The following GPC5 variants were observed in gnomAD, a reference collection of about 807,000 sequenced individuals.
The protein encoded by GPC5 is glypican 5, also known as glypican-5.
Under a neutral mutation model 53.9 loss-of-function variants are expected in GPC5, and 47 were observed. That is an observed-to-expected ratio of 0.87 (90% CI 0.69 to 1.11). The LOEUF (loss-of-function observed/expected upper bound fraction) is 1.11. Among genes scored for constraint, GPC5 ranks in the 50% most tolerant of loss-of-function variants. GPC5 has a pLI of 0.00. For synonymous variants in GPC5, 286 were observed against 263.3 expected (o/e 1.09, Z -0.84); for missense variants, 748 against 713.1 (o/e 1.05, Z -0.56).
At chr13:92,366,729 C>T (rs1291447543) in intron 7 of GPC5, among the ~76,000 whole-genome samples, 5 of 152,138 alleles carry the variant, frequency 3.3e-5, no homozygotes, top group Non-Finnish European at 7.4e-5. Flanking sequence ...CTTCATATGC[C>T]TAGTAACTTC....
intron 6 of GPC5, among the ~76,000 whole-genome samples, chr13:92,129,940 T>C (rs562966972): frequency 6.6e-6 from 1 of 152,148 alleles, no homozygotes; most frequent in South Asian, 2.1e-4. Context: ...TTTGTAAAAT[T>C]GATAAAGAAT....
At chr13:91,753,547 C>T (rs970956417) in intron 4 of GPC5, among the ~76,000 whole-genome samples, 10 of 152,186 alleles carry the variant, frequency 6.6e-5, no homozygotes, top group Admixed American at 5.2e-4. Context: ...TAAGTGACCT[C>T]ACTGCTTTTC....
At chr13:92,125,924 G>GTTTTTTTTTTTTTTTTTTTTTTTTTTTT (rs1190169532) in intron 6 of GPC5, among the ~76,000 whole-genome samples, 2 of 75,820 alleles carry the variant, frequency 2.6e-5, no homozygotes, top group African/African-American at 1.1e-4. Flanking sequence ...TTGTTTTTTG[G>GTTTTTTTTTTTTTTTTTTTTTTTTTTTT]TTTTTTTTTT....
At chr13:91,450,363 A>G (rs1881098428) in intron 2 of GPC5, among the ~76,000 whole-genome samples, 1 of 152,204 alleles carries the variant, frequency 6.6e-6, no homozygotes, top group African/African-American at 2.4e-5. Context: ...AGTAGGTACA[A>G]TATGAAATAT....
chr13:92,238,099 T>C (rs1174507741), intron 7 of GPC5, among the ~76,000 whole-genome samples: 2 of 152,054 alleles, frequency 1.3e-5, no homozygotes, highest in Non-Finnish European at 2.9e-5. Context: ...CCTCTGTTTT[T>C]GTTTGTTATA....
chr13:92,578,682 T>C (rs1175373608), intron 7 of GPC5, among the ~76,000 whole-genome samples: 1 of 152,158 alleles, frequency 6.6e-6, no homozygotes, highest in Non-Finnish European at 1.5e-5. Flanking sequence ...TAAGGGCAGA[T>C]CATCTTCACT....
intron 3 of GPC5, among the ~76,000 whole-genome samples, chr13:91,716,447 T>G (rs2139935635): frequency 6.6e-6 from 1 of 152,358 alleles, no homozygotes; most frequent in Middle Eastern, 3.4e-3. Context: ...AATGTTTTTC[T>G]ATTTAGTTGG....
At position 92,600,527 on chromosome 13, in the gene GPC5, C is replaced by T. The variant is rs561679638; in HGVS notation, c.1562-265755C>T. On this transcript the variant is annotated intron_variant, in intron 7 of 7. Coordinates refer to ENST00000377067, the MANE Select transcript of GPC5 (RefSeq NM_004466.6). ...TCATTTATTCTTTAAGACGGAATTT[C>T]GCTCTTGTCACCCAGGCTAGAGTGC... 9.2e-5 allele frequency among the ~76,000 whole-genome samples: 14 copies of T among 151,868 alleles called. No homozygotes were observed. The East Asian group carries it at 1.4e-3, about 15-fold the overall frequency.
At chr13:92,151,565 G>A (rs2041907752) in intron 7 of GPC5, among the ~76,000 whole-genome samples, 2 of 152,076 alleles carry the variant, frequency 1.3e-5, no homozygotes, top group Non-Finnish European at 2.9e-5. Flanking sequence ...TATGAACTTT[G>A]GTATCAGTCT....
intron 5 of GPC5, among the ~76,000 whole-genome samples, chr13:91,763,977 A>G (rs1372242982): frequency 6.6e-6 from 1 of 152,202 alleles, no homozygotes; most frequent in Non-Finnish European, 1.5e-5. Context: ...TACAATGTAA[A>G]TGCTGTGTAA....
At chr13:92,174,406 G>A (rs2042093929) in intron 7 of GPC5, among the ~76,000 whole-genome samples, 1 of 151,414 alleles carries the variant, frequency 6.6e-6, no homozygotes, top group Non-Finnish European at 1.5e-5. Flanking sequence ...GTGGTGGCGG[G>A]CATCTGTATT....
At chr13:91,978,678 A>T (rs1385026642) in intron 6 of GPC5, among the ~76,000 whole-genome samples, 1 of 152,188 alleles carries the variant, frequency 6.6e-6, no homozygotes, top group Non-Finnish European at 1.5e-5. Flanking sequence ...CCAGTGGACC[A>T]TGGAAAGGAG....
chr13:92,443,430 G>T lies in GPC5; in HGVS notation c.1561+298441G>T, dbSNP rs75326042. Among the ~76,000 whole-genome samples, 453 of 152,188 alleles carry T rather than the reference G, an allele frequency of 3.0e-3. 13 individuals are homozygous for T. In the East Asian group the frequency reaches 0.061, roughly 20 times the overall value. ...TATAATTGGTGGTTTAGGATAAAATGGATATAGAAACAAATTAGAAGTTGT... is the reference window on the plus strand; with the variant it reads ...TATAATTGGTGGTTTAGGATAAAATTGATATAGAAACAAATTAGAAGTTGT... On this transcript the variant is annotated intron_variant, in intron 7 of 7. Coordinates refer to ENST00000377067, the MANE Select transcript of GPC5 (RefSeq NM_004466.6).
intron 7 of GPC5, among the ~76,000 whole-genome samples, chr13:92,174,449 C>T (rs1286375425): frequency 4.0e-5 from 6 of 151,238 alleles, no homozygotes; most frequent in African/African-American, 1.5e-4. Flanking sequence ...GCAGGAGAAC[C>T]GCGTGAACCC....
chr13:92,839,438 T>C (rs929412837), intron 7 of GPC5, among the ~76,000 whole-genome samples: 1 of 152,124 alleles, frequency 6.6e-6, no homozygotes, highest in Non-Finnish European at 1.5e-5. Context: ...TTTTTCCTGA[T>C]CTTCTCACTC....
At chr13:92,461,832 C>T (rs1878493478) in intron 7 of GPC5, among the ~76,000 whole-genome samples, 1 of 152,184 alleles carries the variant, frequency 6.6e-6, no homozygotes, top group African/African-American at 2.4e-5. Flanking sequence ...GAGAAATAAA[C>T]ATTTGTTGTT....
intron 5 of GPC5, among the ~76,000 whole-genome samples, chr13:91,828,169 C>T (rs2038603143): frequency 6.6e-6 from 1 of 151,976 alleles, no homozygotes. Context: ...GGAAAGATAA[C>T]TTTCTCAGAT....
At chr13:92,356,741 A>C (rs1247024187) in intron 7 of GPC5, among the ~76,000 whole-genome samples, 2 of 152,186 alleles carry the variant, frequency 1.3e-5, no homozygotes, top group Non-Finnish European at 2.9e-5. Context: ...GTACATATGC[A>C]GGCTTGTTAC....
At chr13:91,850,255 C>T (rs2038898167) in intron 5 of GPC5, among the ~76,000 whole-genome samples, 1 of 152,132 alleles carries the variant, frequency 6.6e-6, no homozygotes, top group African/African-American at 2.4e-5. Flanking sequence ...ATATCTCTGA[C>T]ATCCATGCTT....
Sources: gnomAD v4.1 joint callset for allele counts (sites outside exome capture counted in the v4.1 genomes callset) on GRCh38, gnomAD v4.1.1 for gene constraint, MANE v1.5 for transcripts, NCBI Gene and HGNC (gene_info 2026-07-23, HGNC 2026-07-21) for gene names.